The following TCL1A variants were observed in gnomAD, a reference collection of about 807,000 sequenced individuals.
TCL1A encodes the protein TCL1 family AKT coactivator A, also known as T-cell leukemia/lymphoma protein 1A.
Under a neutral mutation model 16.9 loss-of-function variants are expected in TCL1A, and 9 were observed. The observed-to-expected ratio is 0.53, with a 90% CI of 0.32 to 0.93. The LOEUF (loss-of-function observed/expected upper bound fraction) is 0.93, where lower values mean the gene tolerates loss of function less well. Among genes scored for constraint, TCL1A ranks in the 40% least tolerant of loss-of-function variants. The pLI is 0.04. For missense variants in TCL1A, 139 were observed against 153.0 expected (o/e 0.91, Z 0.48); for synonymous variants, 69 against 63.2 (o/e 1.09, Z -0.44).
intron 1 of TCL1A, 76 bp downstream of exon 1, chr14:95,713,871 T>A: frequency 6.3e-7 from 1 of 1,585,846 alleles, no homozygotes; most frequent in South Asian, 1.1e-5. Context: ...CCTTGAGTCC[T>A]CGCCCTTCCT....
rs1484284125 is a variant in TCL1A, at chr14:95,713,997, A to C, written c.70T>G (p.Phe24Val). The change falls in exon 1 of 4, where the codon TTC (phenylalanine) becomes GTC (valine). Residue 24 changes from phenylalanine to valine, a missense_variant. Phe to Val is a conservative substitution (Grantham distance 50). Transcript: ENST00000402399. ...HPDRLWAWEK[F>V]VYLDEKQHAW... is the part of the protein sequence containing the mutation. ...TGCTGCTTCTCGTCCAAATACACGA[A>C]CTTCTCCCAGGCCCACAGGCGGTCC... 2 of 1,613,960 alleles carry C rather than the reference A, an allele frequency of 1.2e-6. No homozygotes were observed. Among genetic ancestry groups the C allele is most frequent in the Admixed American group, 1.7e-5 (1 of 60,022 alleles).
chr14:95,713,250 A>G (rs926021257), intron 1 of TCL1A, among the ~76,000 whole-genome samples: 5 of 152,214 alleles, frequency 3.3e-5, no homozygotes, highest in African/African-American at 1.2e-4. Flanking sequence ...GTGTTCTAAT[A>G]TATTTTTTAA....
At chr14:95,712,159 C>T (rs1355821591) in intron 2 of TCL1A, 61 bp downstream of exon 2, 108 of 1,595,250 alleles carry the variant, frequency 6.8e-5, no homozygotes, top group Non-Finnish European at 9.1e-5. Context: ...CCACTAAGGC[C>T]AGACATGGAG....
intron 2 of TCL1A, 33 bp from the exon 3 acceptor site, chr14:95,711,835 C>T (rs376088645): frequency 1.2e-5 from 19 of 1,603,186 alleles, no homozygotes; most frequent in Non-Finnish European, 1.4e-5. Context: ...AGGCATTGAT[C>T]GGCCAGAGCC....
At chr14:95,713,167 T>A (rs2099498903) in intron 1 of TCL1A, among the ~76,000 whole-genome samples, 1 of 152,338 alleles carries the variant, frequency 6.6e-6, no homozygotes. Flanking sequence ...CAAATGTACA[T>A]TTTTGTGCCT....
Position 95,713,996 on chromosome 14 carries a change from A to G in TCL1A, c.71T>C (p.Phe24Ser), listed in dbSNP as rs752798507. ...HPDRLWAWEK[F>S]VYLDEKQHAW... ...GTGCTGCTTCTCGTCCAAATACACGAACTTCTCCCAGGCCCACAGGCGGTC... is the reference window on the plus strand; with the variant it reads ...GTGCTGCTTCTCGTCCAAATACACGGACTTCTCCCAGGCCCACAGGCGGTC... Residue 24 changes from phenylalanine (F) to serine (S), a missense_variant, in exon 1 of 4, where the codon TTC (phenylalanine) becomes TCC (serine). By Grantham distance (155) the Phe-to-Ser change is radical. Transcript: ENST00000402399. 1 of 1,613,896 alleles carries G rather than the reference A, an allele frequency of 6.2e-7. No homozygotes were observed. The highest frequency in any genetic ancestry group is 8.5e-7 in the Non-Finnish European group (1 of 1,180,022).
At chr14:95,711,834 T>C in intron 2 of TCL1A, 32 bp from the exon 3 acceptor site, 1 of 1,604,074 alleles carries the variant, frequency 6.2e-7, no homozygotes, top group Middle Eastern at 1.7e-4. Flanking sequence ...AAGGCATTGA[T>C]CGGCCAGAGC....
chr14:95,712,568 G>A (rs1328379430), intron 1 of TCL1A, 172 bp from the exon 2 acceptor site: 3 of 1,478,068 alleles, frequency 2.0e-6, no homozygotes, highest in Non-Finnish European at 2.7e-6. Context: ...GGCCATGCAT[G>A]CTCCTCTCAG....
At chr14:95,711,531 T>C (rs1351264971) in intron 3 of TCL1A, 10 of 548,648 alleles carry the variant, frequency 1.8e-5, no homozygotes, top group Non-Finnish European at 2.6e-5. Context: ...ACTTTATAGA[T>C]ATGAGCAGCT....
intron 1 of TCL1A, among the ~76,000 whole-genome samples, 198 bp downstream of exon 1, chr14:95,713,749 T>C (rs2139723676): frequency 6.6e-6 from 1 of 152,288 alleles, no homozygotes; most frequent in Non-Finnish European, 1.5e-5. Flanking sequence ...CCGACATTCC[T>C]TTGCGGTTTT....
intron 1 of TCL1A, among the ~76,000 whole-genome samples, chr14:95,713,362 T>C (rs2139722519): frequency 6.6e-6 from 1 of 152,362 alleles, no homozygotes; most frequent in East Asian, 1.9e-4. Flanking sequence ...TATCTATTTC[T>C]TTAACAAAAA....
At chr14:95,713,909 C>G (rs746026619) in intron 1 of TCL1A, 38 bp downstream of exon 1, 2 of 1,609,212 alleles carry the variant, frequency 1.2e-6, no homozygotes, top group Non-Finnish European at 1.7e-6. Context: ...CAGGGGCTGC[C>G]CCTGCTGCCT....
chr14:95,713,448 T>A (rs181945968), intron 1 of TCL1A, among the ~76,000 whole-genome samples: 1 of 152,346 alleles, frequency 6.6e-6, no homozygotes, highest in African/African-American at 2.4e-5. Context: ...CCGGCGCTTA[T>A]ACTACGACAT....
At chr14:95,712,156 G>C in intron 2 of TCL1A, 64 bp downstream of exon 2, 1 of 1,586,758 alleles carries the variant, frequency 6.3e-7, no homozygotes, top group Non-Finnish European at 8.7e-7. Flanking sequence ...AAACCACTAA[G>C]GCCAGACATG....
intron 3 of TCL1A, 95 bp downstream of exon 3, chr14:95,711,654 G>A (rs992693331): frequency 1.4e-6 from 2 of 1,416,648 alleles, no homozygotes; most frequent in Non-Finnish European, 1.9e-6. Flanking sequence ...CAGCAGTCGG[G>A]GAGGGGTTAG....
At chr14:95,713,804 A>C in intron 1 of TCL1A, 143 bp downstream of exon 1, 1 of 1,316,102 alleles carries the variant, frequency 7.6e-7, no homozygotes, top group Non-Finnish European at 1.0e-6. Flanking sequence ...CATCCTCCAG[A>C]GCCCGGCTCA....
At chr14:95,712,440 G>C in intron 1 of TCL1A, 44 bp from the exon 2 acceptor site, 1 of 1,556,174 alleles carries the variant, frequency 6.4e-7, no homozygotes, top group Non-Finnish European at 8.7e-7. Flanking sequence ...GGTTCCGCTT[G>C]CCAGGGCTTC....
chr14:95,713,400 A>G (rs1886432114), intron 1 of TCL1A, among the ~76,000 whole-genome samples: 1 of 152,334 alleles, frequency 6.6e-6, no homozygotes, highest in Non-Finnish European at 1.5e-5. Context: ...ACCCATCTTA[A>G]GGCATCACAC....
chr14:95,713,580 G>A (rs534688397), intron 1 of TCL1A, among the ~76,000 whole-genome samples: 6 of 152,182 alleles, frequency 3.9e-5, no homozygotes, highest in South Asian at 2.1e-4. Context: ...TAAAAATACA[G>A]ATTTCTGGGA....
Sources: allele counts gnomAD v4.1 joint callset (sites outside exome capture counted in the v4.1 genomes callset), GRCh38; gene constraint gnomAD v4.1.1; transcripts MANE v1.5; gene names NCBI Gene and HGNC (gene_info 2026-07-23, HGNC 2026-07-21).